SETBP1: variants seen among roughly 807,000 people sequenced by gnomAD.
SETBP1 encodes the protein SET-binding protein.
Under a neutral mutation model 101.0 loss-of-function variants are expected in SETBP1, and 9 were observed. The observed-to-expected ratio is 0.09, with a 90% CI of 0.05 to 0.16. The LOEUF is 0.16. Among genes scored for constraint, SETBP1 ranks in the 10% least tolerant of loss-of-function variants. SETBP1 has a pLI of 1.00. For synonymous variants in SETBP1, 818 were observed against 788.5 expected, an observed-to-expected ratio of 1.04 and a Z score of -0.63; for missense variants, 1,858 against 2,033.8, an observed-to-expected ratio of 0.91 and a Z score of 1.66.
chr18:45,014,640 A>G (rs1456242295), intron 4 of SETBP1, among the ~76,000 whole-genome samples: 2 of 152,188 alleles, frequency 1.3e-5, no homozygotes, highest in African/African-American at 2.4e-5. Context: ...GTCAAGAAAC[A>G]AGGACCGTAT....
intron 3 of SETBP1, among the ~76,000 whole-genome samples, chr18:44,881,774 C>A (rs1463896252): frequency 6.6e-6 from 1 of 152,150 alleles, no homozygotes; most frequent in Non-Finnish European, 1.5e-5. Flanking sequence ...CCCAGTGCCC[C>A]CGCCCCTCAC....
At chr18:45,015,466 C>T (rs2072921955) in intron 4 of SETBP1, among the ~76,000 whole-genome samples, 1 of 152,162 alleles carries the variant, frequency 6.6e-6, no homozygotes, top group Non-Finnish European at 1.5e-5. Flanking sequence ...TAGAAGCACA[C>T]TTAACCTTTC....
chr18:44,727,081 C>G (rs1263340037), intron 2 of SETBP1, among the ~76,000 whole-genome samples: 3 of 151,950 alleles, frequency 2.0e-5, no homozygotes, highest in East Asian at 1.9e-4. Context: ...CTCTGAAGTC[C>G]TTTTCCATAA....
chr18:45,014,227 T>C (rs1299409679), intron 4 of SETBP1, among the ~76,000 whole-genome samples: 1 of 152,158 alleles, frequency 6.6e-6, no homozygotes, highest in East Asian at 1.9e-4. Context: ...AGGGAAAGCT[T>C]GTCCATAGCA....
chr18:44,809,250 T>TA (rs942020037), intron 2 of SETBP1, among the ~76,000 whole-genome samples: 22 of 152,100 alleles, frequency 1.4e-4, no homozygotes, highest in African/African-American at 5.1e-4. Flanking sequence ...GATGAAAGTT[T>TA]AAAAAAATTA....
chr18:44,909,689 G>A (rs1214398787), intron 3 of SETBP1, among the ~76,000 whole-genome samples: 1 of 152,176 alleles, frequency 6.6e-6, no homozygotes, highest in Non-Finnish European at 1.5e-5. Flanking sequence ...TTCATATGAA[G>A]TCAGCACAGT....
chr18:44,932,067 G>C (rs1422122713), intron 3 of SETBP1, among the ~76,000 whole-genome samples: 1 of 152,186 alleles, frequency 6.6e-6, no homozygotes, highest in East Asian at 1.9e-4. Flanking sequence ...TGTTTTTGCA[G>C]TGGCTGGTAC....
At chr18:44,744,331 C>T (rs139411125) in intron 2 of SETBP1, among the ~76,000 whole-genome samples, 15 of 152,364 alleles carry the variant, frequency 9.8e-5, no homozygotes, top group Admixed American at 8.5e-4. Flanking sequence ...CCAGGCAACC[C>T]GTTGTTCTGC....
intron 2 of SETBP1, among the ~76,000 whole-genome samples, chr18:44,751,010 C>A (rs1390414490): frequency 2.0e-5 from 3 of 152,086 alleles, no homozygotes; most frequent in African/African-American, 7.2e-5. Context: ...GCAGTATGAG[C>A]AAACTTAAGT....
intron 4 of SETBP1, among the ~76,000 whole-genome samples, chr18:44,984,662 G>T (rs1405019745): frequency 6.6e-6 from 1 of 152,300 alleles, no homozygotes; most frequent in East Asian, 1.9e-4. Flanking sequence ...ATGTGGTGTG[G>T]ATTAAATGAG....
At chr18:44,787,371 A>G (rs900684196) in intron 2 of SETBP1, among the ~76,000 whole-genome samples, 5 of 152,234 alleles carry the variant, frequency 3.3e-5, no homozygotes, top group Non-Finnish European at 1.5e-5. Context: ...GCTAAGTTGA[A>G]GATGGAACTG....
At chr18:44,738,197 G>T (rs924849938) in intron 2 of SETBP1, among the ~76,000 whole-genome samples, 1 of 152,158 alleles carries the variant, frequency 6.6e-6, no homozygotes. Context: ...AGACTCAGAT[G>T]CTGAGGTCTC....
chr18:44,882,295 C>A lies in SETBP1; in HGVS notation c.540+13012C>A, dbSNP rs184753339. The stretch of plus-strand genomic sequence containing the variant: ...AGTGAGCTGCGATTCTCCATTTATA[C>A]CCTCAGTCCAGGAAGGTGCTAATCA... On this transcript the variant is annotated intron_variant, in intron 3 of 5. Transcript: ENST00000649279. 5.0e-3 allele frequency among the ~76,000 whole-genome samples: 760 copies of A among 152,132 alleles called. 2 individuals carry two copies. Among genetic ancestry groups the A allele is most frequent in the Non-Finnish European group, 8.6e-3 (585 of 67,990 alleles).
At chr18:45,006,838 C>G (rs1217022735) in intron 4 of SETBP1, among the ~76,000 whole-genome samples, 1 of 152,158 alleles carries the variant, frequency 6.6e-6, no homozygotes, top group African/African-American at 2.4e-5. Context: ...ACCTTAAGGT[C>G]TCAAGAAGAG....
At chr18:45,038,770 T>C (rs2073451614) in intron 5 of SETBP1, 115 bp downstream of exon 5, 1 of 1,103,176 alleles carries the variant, frequency 9.1e-7, no homozygotes, top group Non-Finnish European at 1.3e-6. Context: ...CATCCTCCCC[T>C]AGACTCTGAA....
intron 3 of SETBP1, among the ~76,000 whole-genome samples, chr18:44,903,489 C>A (rs1188756888): frequency 6.6e-6 from 1 of 152,192 alleles, no homozygotes; most frequent in Non-Finnish European, 1.5e-5. Flanking sequence ...AGCTTTTAAA[C>A]CAATCTACAG....
chr18:45,012,030 ACTT>A (rs1239292411), intron 4 of SETBP1, among the ~76,000 whole-genome samples: 4 of 152,210 alleles, frequency 2.6e-5, no homozygotes, highest in African/African-American at 7.2e-5. Flanking sequence ...TAGAAGAGGG[ACTT>A]CTTCATAATT....
intron 2 of SETBP1, among the ~76,000 whole-genome samples, chr18:44,862,836 GT>G (rs1568186862): frequency 6.6e-6 from 1 of 152,220 alleles, no homozygotes; most frequent in African/African-American, 2.4e-5. Flanking sequence ...CAGCCTTGGG[GT>G]GAGAGGGATG....
At chr18:44,834,785 A>C (rs956467462) in intron 2 of SETBP1, among the ~76,000 whole-genome samples, 1 of 152,232 alleles carries the variant, frequency 6.6e-6, no homozygotes, top group Non-Finnish European at 1.5e-5. Context: ...GAAACTAAAA[A>C]TACAACCAGA....
Sources: allele counts gnomAD v4.1 joint callset (sites outside exome capture counted in the v4.1 genomes callset), GRCh38; gene constraint gnomAD v4.1.1; transcripts MANE v1.5; gene names NCBI Gene and HGNC (gene_info 2026-07-23, HGNC 2026-07-21).